Variants in PCYT1A observed in about 807,000 individuals in gnomAD.
The protein encoded by PCYT1A is choline-phosphate cytidylyltransferase A.
A neutral mutation model predicts 43.7 loss-of-function variants in PCYT1A; 25 were observed. That is an observed-to-expected ratio of 0.57 (90% CI 0.42 to 0.80). The LOEUF (loss-of-function observed/expected upper bound fraction) is 0.80. Among genes scored for constraint, PCYT1A ranks in the 30% least tolerant of loss-of-function variants. PCYT1A has a pLI of 0.00. For missense variants in PCYT1A, 421 were observed against 474.2 expected (o/e 0.89, Z 1.04); for synonymous variants, 172 against 170.7 (o/e 1.01, Z -0.06).
Position 196,262,414 on chromosome 3 carries a change from G to C in PCYT1A, c.118-4527C>G, listed in dbSNP as rs115351174. On this transcript the variant is annotated intron_variant, in intron 2 of 8. Transcript: ENST00000431016. Reference sequence around the variant, plus strand: ...TAATGTTTCACAAAAGTAGGCACTCGACGAATTTGTCGTTAGCTCATTTCC... The same window carrying C: ...TAATGTTTCACAAAAGTAGGCACTCCACGAATTTGTCGTTAGCTCATTTCC... Among the ~76,000 whole-genome samples, 772 of 152,308 alleles carry C rather than the reference G, an allele frequency of 5.1e-3. 8 individuals are homozygous for C. Among genetic ancestry groups the C allele is most frequent in the African/African-American group, 0.017 (722 of 41,560 alleles).
At chr3:196,280,574 T>A (rs1263694115) in intron 1 of PCYT1A, among the ~76,000 whole-genome samples, 108 of 147,474 alleles carry the variant, frequency 7.3e-4, no homozygotes, top group African/African-American at 2.5e-3. Flanking sequence ...TTTATTGTTT[T>A]TTTTTTTTTT....
At chr3:196,239,511 G>A (rs1280031563) in intron 8 of PCYT1A, 36 bp downstream of exon 8, 1 of 1,363,598 alleles carries the variant, frequency 7.3e-7, no homozygotes, top group Admixed American at 1.8e-5. Context: ...TCCACAACAT[G>A]GAACTCCCTA....
intron 1 of PCYT1A, among the ~76,000 whole-genome samples, chr3:196,285,012 C>G (rs1210995887): frequency 2.0e-5 from 3 of 152,188 alleles, no homozygotes; most frequent in African/African-American, 7.2e-5. Context: ...TCAACTCATT[C>G]CCATTCAAGA....
At chr3:196,274,548 ACT>A (rs1443124579) in intron 1 of PCYT1A, among the ~76,000 whole-genome samples, 38 of 152,192 alleles carry the variant, frequency 2.5e-4, no homozygotes, top group Admixed American at 5.2e-4. Context: ...GGTAGGGGAA[ACT>A]CTATGATAAA....
chr3:196,234,804 C>G lies in PCYT1A; in HGVS notation c.*3884G>C, dbSNP rs1724118394. The G allele has an allele frequency of 6.6e-6, 1 of 152,154 alleles. No homozygotes were observed. The highest frequency in any genetic ancestry group is 2.1e-4 in the South Asian group (1 of 4,830). The allele number at this position is 152,154 out of a possible 1,614,324, so 9.4% of individuals were successfully genotyped here. On this transcript the variant is annotated 3_prime_UTR_variant, in exon 9 of 9. Coordinates refer to ENST00000431016, the MANE Select transcript of PCYT1A (RefSeq NM_001312673.2). Reference sequence around the variant, plus strand: ...AATGGTATAATCCCAAGAACATGTTCTACTTATTTACTTGGAAAAATAGAA... The same window carrying G: ...AATGGTATAATCCCAAGAACATGTTGTACTTATTTACTTGGAAAAATAGAA...
At chr3:196,255,445 T>C (rs879547209) in intron 3 of PCYT1A, among the ~76,000 whole-genome samples, 2 of 152,238 alleles carry the variant, frequency 1.3e-5, no homozygotes, top group Non-Finnish European at 2.9e-5. Flanking sequence ...ATAAAGTAGA[T>C]AATCTTGAAA....
At position 196,275,507 on chromosome 3, in the gene PCYT1A, G is replaced by C. The variant is rs1046076247; in HGVS notation, c.-10-4966C>G. ...TCTCAGCCTTTGGGAGGCTGAGGCG[G>C]GTGGATCACGAGGTCAAGAGATCGA... On this transcript the variant is annotated intron_variant, in intron 1 of 8. Coordinates refer to ENST00000431016, the MANE Select transcript of PCYT1A (RefSeq NM_001312673.2). Among the ~76,000 whole-genome samples, 37 of 152,264 alleles carry C rather than the reference G, an allele frequency of 2.4e-4. 1 individual carries two copies. Among genetic ancestry groups the C allele is most frequent in the South Asian group, 1.7e-3 (8 of 4,818 alleles).
Position 196,282,578 on chromosome 3 carries a change from C to A in PCYT1A, c.-11+5037G>T, listed in dbSNP as rs1243128033. 1.3e-5 allele frequency among the ~76,000 whole-genome samples: 2 copies of A among 152,168 alleles called. No homozygotes were observed. The highest frequency in any genetic ancestry group is 4.8e-5 in the African/African-American group (2 of 41,420). On this transcript the variant is annotated intron_variant, in intron 1 of 8. Coordinates refer to ENST00000431016, the MANE Select transcript of PCYT1A (RefSeq NM_001312673.2). The surrounding 1 kb of genome is among the most constrained non-coding windows in gnomAD (Gnocchi z 4.3). ...AATCATGGATATTTTCATACCATAT[C>A]ATACTTCTTAAATTTTGATAACTAT...
rs941529672 is a variant in PCYT1A, at chr3:196,268,781, C to T, written c.117+1634G>A. ...CTGCACTCCAGCCTGGGTGACAAAGCGAGACTCTGTCTCAAAAATACAAAT... is the reference window on the plus strand; with the variant it reads ...CTGCACTCCAGCCTGGGTGACAAAGTGAGACTCTGTCTCAAAAATACAAAT... On this transcript the variant is annotated intron_variant, in intron 2 of 8. Coordinates refer to ENST00000431016, the MANE Select transcript of PCYT1A (RefSeq NM_001312673.2). This position sits in a 1 kb window ranked among gnomAD's most constrained non-coding sequence, Gnocchi z 4.4. Among the ~76,000 whole-genome samples the T allele has an allele frequency of 1.1e-4, 16 of 151,858 alleles. No individual in the cohort carries two copies. The highest frequency in any genetic ancestry group is 1.8e-4 in the Non-Finnish European group (12 of 67,968).
chr3:196,255,964 A>G (rs2108770911), intron 3 of PCYT1A, among the ~76,000 whole-genome samples: 1 of 152,284 alleles, frequency 6.6e-6, no homozygotes, highest in Admixed American at 6.5e-5. Flanking sequence ...TACACAATCC[A>G]TAGTCTCTGG....
chr3:196,245,459 C>T (rs899409570), intron 5 of PCYT1A, among the ~76,000 whole-genome samples: 9 of 152,074 alleles, frequency 5.9e-5, no homozygotes, highest in African/African-American at 1.9e-4. Flanking sequence ...CTATGAATAT[C>T]CTTTGCAAGG....
rs1724203256 is a variant in PCYT1A, at chr3:196,237,482, T to G, written c.*1206A>C. On this transcript the variant is annotated 3_prime_UTR_variant, in exon 9 of 9. Coordinates refer to ENST00000431016, the MANE Select transcript of PCYT1A (RefSeq NM_001312673.2). ...TCACGTGAGGGTATGCTCTGTGGCT[T>G]GCTGGAGGAGCAGCAGAGGGAGGTC... 6.6e-6 allele frequency: 1 copy of G among 152,224 alleles called. No individual in the cohort carries two copies. Among genetic ancestry groups the G allele is most frequent in the African/African-American group, 2.4e-5 (1 of 41,448 alleles). 9.4% of individuals were successfully genotyped at this position (152,224 alleles called of 1,614,324 possible).
At chr3:196,258,222 G>A (rs1056155204) in intron 2 of PCYT1A, among the ~76,000 whole-genome samples, 10 of 149,648 alleles carry the variant, frequency 6.7e-5, no homozygotes, top group Admixed American at 6.1e-4. Flanking sequence ...GGAGGCAGAG[G>A]TTGCAGTGAG....
chr3:196,283,294 A>C (rs902292546), intron 1 of PCYT1A, among the ~76,000 whole-genome samples: 1 of 152,192 alleles, frequency 6.6e-6, no homozygotes, highest in Non-Finnish European at 1.5e-5. Flanking sequence ...ACTGCATTCT[A>C]GCCTGGGCAA....
At chr3:196,262,951 C>T (rs1318438687) in intron 2 of PCYT1A, among the ~76,000 whole-genome samples, 4 of 151,970 alleles carry the variant, frequency 2.6e-5, no homozygotes, top group African/African-American at 4.8e-5. Context: ...CCCACCACTG[C>T]GCCTGCTTAA....
intron 3 of PCYT1A, among the ~76,000 whole-genome samples, chr3:196,253,803 G>C (rs924578188): frequency 6.6e-6 from 1 of 152,108 alleles, no homozygotes; most frequent in Non-Finnish European, 1.5e-5. Flanking sequence ...AGTCTGGGAA[G>C]AAAGCTAGCG....
intron 1 of PCYT1A, among the ~76,000 whole-genome samples, chr3:196,283,729 T>C (rs1725830967): frequency 6.6e-6 from 1 of 152,186 alleles, no homozygotes; most frequent in Admixed American, 6.5e-5. Context: ...CAGAAAGGTT[T>C]ACGCTTAGGA....
chr3:196,253,336 CA>C lies in PCYT1A; in HGVS notation c.217+4451del, dbSNP rs60342446. ...TGCGAGACAGAGCAAGACTCTGTCT[CA>C]AAAAAAAAAAAAATTGAAGTATCCC... On this transcript the variant is annotated intron_variant, in intron 3 of 8. Transcript: ENST00000431016. Among the ~76,000 whole-genome samples, 91 of 105,940 alleles carry C rather than the reference CA, an allele frequency of 8.6e-4. 2 individuals carry two copies. The highest frequency in any genetic ancestry group is 1.3e-3 in the Admixed American group (12 of 9,304). 69.5% of individuals were successfully genotyped at this position (105,940 alleles called of 152,430 possible).
In PCYT1A at chr3:196,235,338, G is replaced by A. The variant is rs1432788809; in HGVS notation, c.*3350C>T. On this transcript the variant is annotated 3_prime_UTR_variant, in exon 9 of 9. Transcript: ENST00000431016. The surrounding 1 kb of genome is among the most constrained non-coding windows in gnomAD (Gnocchi z 4.3). Reference sequence around the variant, plus strand: ...CTCCAAAAACACCACCATCACTCAGGTGCAGCCTAAGGAGTCATCAGTGAT... The same window carrying A: ...CTCCAAAAACACCACCATCACTCAGATGCAGCCTAAGGAGTCATCAGTGAT... 1 of 152,202 alleles carries A rather than the reference G, an allele frequency of 6.6e-6. No individual in the cohort carries two copies. Among genetic ancestry groups the A allele is most frequent in the Non-Finnish European group, 1.5e-5 (1 of 68,062 alleles). 9.4% of individuals were successfully genotyped at this position (152,202 alleles called of 1,614,324 possible). A position where few individuals can be genotyped will look rare whatever the true frequency, so the allele number is the denominator to read the frequency against.
Sources: allele counts gnomAD v4.1 joint callset (sites outside exome capture counted in the v4.1 genomes callset), GRCh38; gene constraint gnomAD v4.1.1; non-coding constraint Gnocchi (gnomAD v3.1); transcripts MANE v1.5; gene names NCBI Gene and HGNC (gene_info 2026-07-23, HGNC 2026-07-21).